GFRAL: variants seen among roughly 807,000 people sequenced by gnomAD.
The protein encoded by GFRAL is GDNF family receptor alpha like.
In GFRAL, 36 loss-of-function variants were observed where a neutral mutation model predicts 45.4. That is an observed-to-expected ratio of 0.79 (90% CI 0.61 to 1.05). GFRAL has a LOEUF of 1.05. GFRAL is among the 50% of genes least tolerant of loss of function. GFRAL has a pLI of 0.00. For synonymous variants in GFRAL, 166 were observed against 154.1 expected (o/e 1.08, Z -0.57); for missense variants, 507 against 467.5 (o/e 1.08, Z -0.78).
intron 6 of GFRAL, among the ~76,000 whole-genome samples, chr6:55,359,880 C>A (rs543184261): frequency 6.6e-6 from 1 of 152,040 alleles, no homozygotes; most frequent in East Asian, 1.9e-4. Flanking sequence ...TATGAATATT[C>A]AAGGTCAGAT....
intron 6 of GFRAL, among the ~76,000 whole-genome samples, chr6:55,364,907 G>T (rs1241035346): frequency 5.3e-5 from 8 of 152,152 alleles, no homozygotes; most frequent in Non-Finnish European, 1.0e-4. Flanking sequence ...GCTGAGGATT[G>T]ACTTGGTGAT....
intron 3 of GFRAL, among the ~76,000 whole-genome samples, chr6:55,337,339 C>A (rs1173587520): frequency 1.3e-5 from 2 of 152,044 alleles, no homozygotes; most frequent in Non-Finnish European, 2.9e-5. Context: ...GTTTAAAAAA[C>A]TATGTTCATA....
chr6:55,366,273 G>T (rs1275402823), intron 6 of GFRAL, among the ~76,000 whole-genome samples: 1 of 151,788 alleles, frequency 6.6e-6, no homozygotes, highest in Non-Finnish European at 1.5e-5. Context: ...ATTTCTATGG[G>T]ATCGGTAGTG....
At chr6:55,389,420 A>ATGTG (rs1768719376) in intron 6 of GFRAL, among the ~76,000 whole-genome samples, 9 of 152,162 alleles carry the variant, frequency 5.9e-5, no homozygotes, top group Non-Finnish European at 1.5e-5. Flanking sequence ...GAAATCTCTC[A>ATGTG]TTGCTCCATA....
At chr6:55,342,318 C>T (rs534742078) in intron 3 of GFRAL, among the ~76,000 whole-genome samples, 4 of 152,288 alleles carry the variant, frequency 2.6e-5, no homozygotes, top group South Asian at 2.1e-4. Flanking sequence ...AGACTAACAG[C>T]AGATCTCTCG....
At chr6:55,401,260 A>T (rs1197293758) in intron 8 of GFRAL, among the ~76,000 whole-genome samples, 2 of 152,216 alleles carry the variant, frequency 1.3e-5, no homozygotes, top group African/African-American at 4.8e-5. Flanking sequence ...GGAAAACTCC[A>T]GGCCCAGGAT....
At chr6:55,401,385 G>A (rs1768894104) in intron 8 of GFRAL, among the ~76,000 whole-genome samples, 1 of 152,104 alleles carries the variant, frequency 6.6e-6, no homozygotes, top group African/African-American at 2.4e-5. Context: ...CCTAAAGAAA[G>A]AAGAATGATT....
chr6:55,374,610 C>T lies in GFRAL; in HGVS notation c.952+15472C>T, dbSNP rs185553997. On this transcript the variant is annotated intron_variant, in intron 6 of 8. Transcript: ENST00000340465. Reference sequence around the variant, plus strand: ...TTCACTCTGATGATAGTTTATTTTGCTGTGCAAAAGGTCTTTAGTTTAGAT... The same window carrying T: ...TTCACTCTGATGATAGTTTATTTTGTTGTGCAAAAGGTCTTTAGTTTAGAT... Among the ~76,000 whole-genome samples the T allele has an allele frequency of 2.0e-4, 31 of 152,182 alleles. No homozygotes were observed. The East Asian group carries it at 5.8e-3, about 29-fold the overall frequency.
intron 5 of GFRAL, among the ~76,000 whole-genome samples, chr6:55,355,192 C>T (rs904483254): frequency 6.6e-6 from 1 of 151,238 alleles, no homozygotes; most frequent in Non-Finnish European, 1.5e-5. Context: ...TCCATAATTG[C>T]ATATAAGAAA....
At chr6:55,333,747 T>C (rs1767858479) in intron 2 of GFRAL, 39 bp from the exon 3 acceptor site, 3 of 1,349,320 alleles carry the variant, frequency 2.2e-6, no homozygotes, top group Admixed American at 2.7e-5. Context: ...AAAATTATAA[T>C]CAGATTAATA....
intron 3 of GFRAL, among the ~76,000 whole-genome samples, chr6:55,337,470 A>G (rs1767907738): frequency 6.6e-6 from 1 of 152,190 alleles, no homozygotes; most frequent in Non-Finnish European, 1.5e-5. Flanking sequence ...GAAAAGCACA[A>G]AAAGAATTGG....
intron 6 of GFRAL, among the ~76,000 whole-genome samples, chr6:55,391,770 A>G (rs973692541): frequency 6.6e-6 from 1 of 152,150 alleles, no homozygotes; most frequent in Non-Finnish European, 1.5e-5. Context: ...TGAGGAAAAA[A>G]TCTCAATAAC....
intron 6 of GFRAL, among the ~76,000 whole-genome samples, chr6:55,362,658 A>G (rs1768292169): frequency 6.6e-6 from 1 of 152,054 alleles, no homozygotes; most frequent in Non-Finnish European, 1.5e-5. Flanking sequence ...TAAAGGATCC[A>G]TTATTGTTTT....
chr6:55,397,754 T>C (rs1768846247), intron 6 of GFRAL, among the ~76,000 whole-genome samples: 1 of 152,140 alleles, frequency 6.6e-6, no homozygotes, highest in South Asian at 2.1e-4. Flanking sequence ...GTCTTCTGAA[T>C]AGCAGCAGCC....
intron 4 of GFRAL, among the ~76,000 whole-genome samples, chr6:55,350,802 TATA>T (rs2127355115): frequency 6.6e-6 from 1 of 152,258 alleles, no homozygotes; most frequent in East Asian, 1.9e-4. Context: ...TCTGTAGGAG[TATA>T]AACATTTATA....
rs1561869632 is a variant in GFRAL at position 55,399,198 on chromosome 6, A to G, written c.971A>G (p.Asn324Ser). 1 of 1,587,354 alleles carries G rather than the reference A, an allele frequency of 6.3e-7. No individual in the cohort carries two copies. The highest frequency in any genetic ancestry group is 1.3e-5 in the African/African-American group (1 of 74,108). Reference protein sequence around the residue: ...KSCFNYPTLSNVKGMALYTRK... With the variant: ...KSCFNYPTLSSVKGMALYTRK... ...CTTTCAGATTATCCAACCCTGTCTA[A>G]TGTCAAAGGCATGGCATTGTATACA... Residue 324 changes from asparagine to serine, a missense_variant, in exon 7 of 9, where the codon AAT becomes AGT. Asn to Ser is a conservative substitution (Grantham distance 46, BLOSUM62 1). Coordinates refer to ENST00000340465, the MANE Select transcript of GFRAL (RefSeq NM_207410.2).
intron 6 of GFRAL, among the ~76,000 whole-genome samples, chr6:55,391,307 C>A (rs1267028858): frequency 6.6e-6 from 1 of 152,078 alleles, no homozygotes; most frequent in Non-Finnish European, 1.5e-5. Context: ...TTCATTTTTT[C>A]ATATTAAATA....
At chr6:55,397,603 A>G (rs1168853266) in intron 6 of GFRAL, among the ~76,000 whole-genome samples, 1 of 151,710 alleles carries the variant, frequency 6.6e-6, no homozygotes, top group African/African-American at 2.4e-5. Flanking sequence ...TTCTAATGAC[A>G]AAATCCTCAC....
intron 3 of GFRAL, among the ~76,000 whole-genome samples, chr6:55,342,237 T>C (rs1725643030): frequency 6.6e-6 from 1 of 151,980 alleles, no homozygotes; most frequent in Admixed American, 6.6e-5. Context: ...TTCACCAAAG[T>C]TGAAATGAAG....
Sources: allele counts gnomAD v4.1 joint callset (sites outside exome capture counted in the v4.1 genomes callset), GRCh38; gene constraint gnomAD v4.1.1; transcripts MANE v1.5; gene names NCBI Gene and HGNC (gene_info 2026-07-23, HGNC 2026-07-21).